Variants in ENOX1 observed in about 807,000 individuals in gnomAD.
ENOX1 encodes the protein candidate growth-related and time keeping constitutive hydroquinone (NADH) oxidase.
ENOX1 carries 42 observed loss-of-function variants against 82.5 expected under a neutral mutation model. The observed-to-expected ratio is 0.51, with a 90% CI of 0.40 to 0.66. ENOX1 has a LOEUF of 0.66. Ranked by LOEUF, ENOX1 falls within the 30% of genes least tolerant of loss-of-function variation. The probability of loss-of-function intolerance (pLI) is 0.00; values close to 1 mark genes in which losing one functional copy is unlikely to be tolerated. For missense variants in ENOX1, 608 were observed against 811.6 expected (o/e 0.75, Z 3.05); for synonymous variants, 271 against 282.2 (o/e 0.96, Z 0.40).
intron 12 of ENOX1, among the ~76,000 whole-genome samples, chr13:43,294,355 T>C (rs1176373862): frequency 6.6e-6 from 1 of 152,204 alleles, no homozygotes; most frequent in African/African-American, 2.4e-5. Flanking sequence ...ATTAAAAAAT[T>C]ATGACATGTT....
intron 3 of ENOX1, among the ~76,000 whole-genome samples, chr13:43,466,787 A>C (rs1297021492): frequency 6.6e-6 from 1 of 152,170 alleles, no homozygotes; most frequent in Non-Finnish European, 1.5e-5. Context: ...ACCCATTAAC[A>C]GTCACTCCCC....
chr13:43,337,754 C>G (rs986189297), intron 9 of ENOX1, among the ~76,000 whole-genome samples: 1 of 151,782 alleles, frequency 6.6e-6, no homozygotes, highest in African/African-American at 2.4e-5. Context: ...CACACACATA[C>G]ACACACACAC....
At chr13:43,332,347 C>A (rs2048454733) in intron 9 of ENOX1, among the ~76,000 whole-genome samples, 1 of 152,168 alleles carries the variant, frequency 6.6e-6, no homozygotes, top group South Asian at 2.1e-4. Context: ...GTTCACGCTC[C>A]TGTAAGAATC....
At chr13:43,501,551 C>A (rs1274445564) in intron 2 of ENOX1, among the ~76,000 whole-genome samples, 1 of 151,386 alleles carries the variant, frequency 6.6e-6, no homozygotes, top group Non-Finnish European at 1.5e-5. Flanking sequence ...AAAATCATAC[C>A]AAGTATCTTT....
intron 1 of ENOX1, among the ~76,000 whole-genome samples, chr13:43,686,880 T>C (rs2086103946): frequency 6.6e-6 from 1 of 152,062 alleles, no homozygotes; most frequent in South Asian, 2.1e-4. Context: ...GAAAACAGCA[T>C]ACTCTCTCCA....
At chr13:43,725,717 G>C (rs1343932085) in intron 1 of ENOX1, among the ~76,000 whole-genome samples, 2 of 151,568 alleles carry the variant, frequency 1.3e-5, no homozygotes, top group South Asian at 4.2e-4. Flanking sequence ...TGTAATCCTA[G>C]CACTTTGGGA....
intron 1 of ENOX1, among the ~76,000 whole-genome samples, chr13:43,784,085 CCA>C (rs1952433737): frequency 6.6e-6 from 1 of 152,096 alleles, no homozygotes; most frequent in Non-Finnish European, 1.5e-5. Flanking sequence ...TAAAACAGGG[CCA>C]CCTTTTGGAC....
chr13:43,213,914 AC>A lies in ENOX1; in HGVS notation c.*75del. ...AGGTTGCGTGCTGGACCAACCCCAC[AC>A]CTCCTGCTTCCCCGTCGCACCGCCC... On this transcript the variant is annotated 3_prime_UTR_variant, in exon 17 of 17. Coordinates refer to ENST00000690772, the MANE Select transcript of ENOX1 (RefSeq NM_001347969.2). The A allele has an allele frequency of 6.5e-7, 1 of 1,542,418 alleles. No individual in the cohort carries two copies. The highest frequency in any genetic ancestry group is 1.7e-4 in the Middle Eastern group (1 of 5,758).
At chr13:43,559,808 A>G (rs952179998) in intron 2 of ENOX1, among the ~76,000 whole-genome samples, 10 of 152,240 alleles carry the variant, frequency 6.6e-5, no homozygotes, top group African/African-American at 2.4e-4. Flanking sequence ...GACCTCGAGG[A>G]AAAAATATCT....
intron 2 of ENOX1, among the ~76,000 whole-genome samples, chr13:43,527,194 G>A (rs1022396482): frequency 2.0e-5 from 3 of 151,898 alleles, no homozygotes; most frequent in South Asian, 2.1e-4. Context: ...CCCTCCTCCC[G>A]AAGATCCACG....
chr13:43,679,130 G>T (rs1373339758), intron 1 of ENOX1, among the ~76,000 whole-genome samples: 1 of 152,156 alleles, frequency 6.6e-6, no homozygotes, highest in Non-Finnish European at 1.5e-5. Context: ...CAGGTTGAAA[G>T]AACTCTAACC....
intron 2 of ENOX1, among the ~76,000 whole-genome samples, chr13:43,653,282 T>C (rs914453683): frequency 2.6e-5 from 4 of 152,314 alleles, no homozygotes; most frequent in Admixed American, 2.6e-4. Flanking sequence ...TTGAAACCCA[T>C]TCATAGGAAA....
chr13:43,625,915 G>GT (rs1223606268), intron 2 of ENOX1, among the ~76,000 whole-genome samples: 1 of 151,844 alleles, frequency 6.6e-6, no homozygotes, highest in Non-Finnish European at 1.5e-5. Flanking sequence ...TGTAGAATTA[G>GT]TATTAATTAT....
At chr13:43,724,512 C>T (rs895037605) in intron 1 of ENOX1, among the ~76,000 whole-genome samples, 2 of 152,218 alleles carry the variant, frequency 1.3e-5, no homozygotes, top group East Asian at 3.8e-4. Flanking sequence ...ATAAAATAAT[C>T]TATTTGCCTG....
chr13:43,660,136 C>T (rs1169176947), intron 2 of ENOX1, among the ~76,000 whole-genome samples: 2 of 152,190 alleles, frequency 1.3e-5, no homozygotes, highest in Non-Finnish European at 2.9e-5. Flanking sequence ...CAGTGTTCAT[C>T]AGTATAATTT....
At chr13:43,481,170 G>A (rs1309947888) in intron 3 of ENOX1, among the ~76,000 whole-genome samples, 1 of 151,978 alleles carries the variant, frequency 6.6e-6, no homozygotes, top group Non-Finnish European at 1.5e-5. Context: ...GTTGAATTTG[G>A]AAGCCTCATA....
At chr13:43,363,165 T>G (rs2050634807) in intron 5 of ENOX1, among the ~76,000 whole-genome samples, 1 of 152,226 alleles carries the variant, frequency 6.6e-6, no homozygotes, top group Non-Finnish European at 1.5e-5. Flanking sequence ...GTGACAGAGA[T>G]GACTCTGTTT....
chr13:43,738,698 T>C (rs9525834), intron 1 of ENOX1, among the ~76,000 whole-genome samples: 14,186 of 150,280 alleles, frequency 0.094, 1,091 homozygotes, highest in African/African-American at 0.21. Flanking sequence ...ACAGTGATAT[T>C]TGATTATAGT....
At chr13:43,240,329 G>A (rs28572509) in intron 14 of ENOX1, among the ~76,000 whole-genome samples, 1 of 152,164 alleles carries the variant, frequency 6.6e-6, no homozygotes, top group Non-Finnish European at 1.5e-5. Flanking sequence ...CTTATAAAAG[G>A]TCTAAAAGAA....
Sources: allele counts gnomAD v4.1 joint callset (sites outside exome capture counted in the v4.1 genomes callset), GRCh38; gene constraint gnomAD v4.1.1; transcripts MANE v1.5; gene names NCBI Gene and HGNC (gene_info 2026-07-23, HGNC 2026-07-21).